The following AFAP1L2 variants were observed in gnomAD, a reference collection of about 807,000 sequenced individuals.
AFAP1L2 encodes the protein actin filament associated protein 1 like 2.
A neutral mutation model predicts 99.3 loss-of-function variants in AFAP1L2; 46 were observed. The observed-to-expected ratio is 0.46, with a 90% CI of 0.37 to 0.59. The LOEUF (loss-of-function observed/expected upper bound fraction) is 0.59, where lower values mean the gene tolerates loss of function less well. AFAP1L2 is among the 20% of genes least tolerant of loss of function. The pLI, the probability that AFAP1L2 is intolerant of heterozygous loss-of-function variation, is 0.00. For missense variants in AFAP1L2, 959 were observed against 1,034.9 expected (o/e 0.93, Z 1.01); for synonymous variants, 397 against 419.1 (o/e 0.95, Z 0.64).
In AFAP1L2 at chr10:114,323,591, G is replaced by A. The variant is rs139705871; in HGVS notation, c.316-330C>T. On this transcript the variant is annotated intron_variant, in intron 4 of 18. Transcript: ENST00000304129. Reference sequence around the variant, plus strand: ...TATCATGCACTTAGCAGTCCAGAGAGTGCCCGGCTGTTGGGATAGCTATTG... The same window carrying A: ...TATCATGCACTTAGCAGTCCAGAGAATGCCCGGCTGTTGGGATAGCTATTG... 3.5e-3 allele frequency among the ~76,000 whole-genome samples: 526 copies of A among 152,300 alleles called. 4 individuals are homozygous for A. The highest frequency in any genetic ancestry group is 0.012 in the African/African-American group (494 of 41,564).
upstream of AFAP1L2, chr10:114,404,623 G>T: frequency 9.9e-7 from 1 of 1,013,000 alleles, no homozygotes; most frequent in Non-Finnish European, 1.3e-6. Context: ...CCCCCGCCAG[G>T]GCTCGCCCCC....
intron 1 of AFAP1L2, among the ~76,000 whole-genome samples, chr10:114,355,891 T>C (rs560750677): frequency 6.6e-6 from 1 of 152,144 alleles, no homozygotes; most frequent in South Asian, 2.1e-4. Flanking sequence ...GAGGAGAATC[T>C]GAGCCCAGGA....
At chr10:114,343,757 A>C (rs974572580) in intron 1 of AFAP1L2, among the ~76,000 whole-genome samples, 2 of 152,134 alleles carry the variant, frequency 1.3e-5, no homozygotes, top group Non-Finnish European at 2.9e-5. Context: ...CTTAACCAGT[A>C]GGGCCTCCCA....
At chr10:114,394,722 C>T (rs1483112873) in intron 1 of AFAP1L2, among the ~76,000 whole-genome samples, 1 of 152,134 alleles carries the variant, frequency 6.6e-6, no homozygotes, top group East Asian at 1.9e-4. Context: ...GCACCCACAA[C>T]TCACACTTGT....
intron 1 of AFAP1L2, among the ~76,000 whole-genome samples, chr10:114,386,839 G>T (rs536602188): frequency 6.6e-6 from 1 of 152,270 alleles, no homozygotes; most frequent in Non-Finnish European, 1.5e-5. Context: ...TCCTGGGACT[G>T]CAGAGGGCTT....
intron 11 of AFAP1L2, among the ~76,000 whole-genome samples, 154 bp from the exon 12 acceptor site, chr10:114,302,638 T>C (rs1254973192): frequency 2.0e-5 from 3 of 152,088 alleles, no homozygotes; most frequent in Non-Finnish European, 4.4e-5. Context: ...TTCACCAGCC[T>C]ATCCCACCCC....
At chr10:114,373,179 G>A (rs1010175590) in intron 1 of AFAP1L2, among the ~76,000 whole-genome samples, 1 of 152,050 alleles carries the variant, frequency 6.6e-6, no homozygotes, top group African/African-American at 2.4e-5. Flanking sequence ...GGAAGTCAAG[G>A]CTACAGTGAG....
At chr10:114,391,024 A>G (rs480457) in intron 1 of AFAP1L2, among the ~76,000 whole-genome samples, 147,067 of 152,156 alleles carry the variant, frequency 0.97, 71,286 homozygotes, top group East Asian at 1. Flanking sequence ...TTTTCTGGTT[A>G]ATGTGCCTTG....
At chr10:114,399,924 T>C (rs915847377) in intron 1 of AFAP1L2, among the ~76,000 whole-genome samples, 8 of 152,122 alleles carry the variant, frequency 5.3e-5, no homozygotes, top group African/African-American at 1.9e-4. Context: ...GAAAGTCAGA[T>C]AGAGGAACAC....
At chr10:114,330,888 G>A (rs2047133557) in intron 4 of AFAP1L2, among the ~76,000 whole-genome samples, 1 of 152,222 alleles carries the variant, frequency 6.6e-6, no homozygotes, top group Admixed American at 6.5e-5. Flanking sequence ...CATGGAGTGG[G>A]TAACTGGGTG....
In AFAP1L2 at chr10:114,308,046, G is replaced by A. The variant is rs548660125; in HGVS notation, c.968-137C>T. The A allele has an allele frequency of 8.7e-4, 614 of 709,382 alleles. 1 individual carries two copies. The highest frequency in any genetic ancestry group is 1.2e-3 in the Non-Finnish European group (471 of 400,558). 43.9% of individuals were successfully genotyped at this position (709,382 alleles called of 1,614,324 possible). A position where few individuals can be genotyped will look rare whatever the true frequency, so the allele number is the denominator to read the frequency against. On this transcript the variant is annotated intron_variant, in intron 9 of 18. Transcript: ENST00000304129. ...GCTACATATGCGCGCACATATGCACGCATACACACACACACATCTCCTCAA... is the reference window on the plus strand; with the variant it reads ...GCTACATATGCGCGCACATATGCACACATACACACACACACATCTCCTCAA...
chr10:114,341,619 A>AAAAAG (rs995386179), intron 1 of AFAP1L2, among the ~76,000 whole-genome samples: 6 of 150,844 alleles, frequency 4.0e-5, no homozygotes, highest in Non-Finnish European at 8.9e-5. Flanking sequence ...CTCAAAAAAA[A>AAAAAG]AAAAGAAAAG....
chr10:114,320,777 C>T (rs4290177), intron 5 of AFAP1L2, among the ~76,000 whole-genome samples: 9,906 of 152,320 alleles, frequency 0.065, 438 homozygotes, highest in South Asian at 0.15. Context: ...CCTGGTGCGT[C>T]TGGCAGGCAG....
intron 1 of AFAP1L2, among the ~76,000 whole-genome samples, chr10:114,342,117 T>TAA (rs2048908325): frequency 6.6e-6 from 1 of 152,166 alleles, no homozygotes; most frequent in Non-Finnish European, 1.5e-5. Context: ...CCTGAGATCT[T>TAA]ATTGGGAAGC....
At chr10:114,326,169 G>T in intron 4 of AFAP1L2, 1 of 604,026 alleles carries the variant, frequency 1.7e-6, no homozygotes, top group Non-Finnish European at 2.4e-6. Flanking sequence ...AGTGTTTTGT[G>T]AGTGTCTCCT....
chr10:114,374,418 T>C (rs143347402), intron 1 of AFAP1L2, among the ~76,000 whole-genome samples: 19 of 152,270 alleles, frequency 1.2e-4, no homozygotes, highest in Middle Eastern at 3.4e-3. Flanking sequence ...AGTGGTCTCA[T>C]TGAAGGAGCC....
In AFAP1L2 at chr10:114,313,999, C is replaced by T; in HGVS notation, c.664G>A (p.Gly222Ser). ...TTCTCCTTGTGAATGACGCTGCTGC[C>T]CAGTAGGTTCACGTCCAGCTGAGGG... ...HSPQLDVNLL[G>S]SSVIHKEKQV... is the part of the protein sequence containing the mutation. Residue 222 changes from glycine (G) to serine (S), a missense_variant, in exon 7 of 19, where the codon GGC becomes AGC. Coordinates refer to ENST00000304129, the MANE Select transcript of AFAP1L2 (RefSeq NM_001001936.3). 6.2e-7 allele frequency: 1 copy of T among 1,614,034 alleles called. No individual in the cohort carries two copies. The highest frequency in any genetic ancestry group is 8.5e-7 in the Non-Finnish European group (1 of 1,179,982).
chr10:114,330,738 A>G (rs2047111214), intron 4 of AFAP1L2, among the ~76,000 whole-genome samples: 1 of 152,206 alleles, frequency 6.6e-6, no homozygotes, highest in East Asian at 1.9e-4. Flanking sequence ...CATCCACATT[A>G]ATGGATATTT....
rs1161769035 is a variant in AFAP1L2, at chr10:114,301,482, G to C, written c.1431-17C>G. On this transcript the variant is annotated splice_polypyrimidine_tract_variant and intron_variant, in intron 12 of 18. Coordinates refer to ENST00000304129, the MANE Select transcript of AFAP1L2 (RefSeq NM_001001936.3). ...TGCATCAGTCTGGAAACAGGGCGAGGTGGCACACATGAAGCAGCCGGGGCA... is the reference window on the plus strand; with the variant it reads ...TGCATCAGTCTGGAAACAGGGCGAGCTGGCACACATGAAGCAGCCGGGGCA... 1 of 1,580,084 alleles carries C rather than the reference G, an allele frequency of 6.3e-7. No individual in the cohort carries two copies. The highest frequency in any genetic ancestry group is 1.1e-5 in the South Asian group (1 of 90,380).
Sources: allele counts gnomAD v4.1 joint callset (sites outside exome capture counted in the v4.1 genomes callset), GRCh38; gene constraint gnomAD v4.1.1; transcripts MANE v1.5; gene names NCBI Gene and HGNC (gene_info 2026-07-23, HGNC 2026-07-21).